The following CACNA1C variants were observed in gnomAD, a reference collection of about 807,000 sequenced individuals.
The protein encoded by CACNA1C is calcium voltage-gated channel subunit alpha1 C, also known as voltage-dependent L-type calcium channel subunit alpha-1C.
Under a neutral mutation model 229.0 loss-of-function variants are expected in CACNA1C, and 30 were observed. That is an observed-to-expected ratio of 0.13 (90% CI 0.10 to 0.18). The LOEUF (loss-of-function observed/expected upper bound fraction) is 0.18. Ranked by LOEUF, CACNA1C falls within the 10% of genes least tolerant of loss-of-function variation. The pLI, the probability that CACNA1C is intolerant of heterozygous loss-of-function variation, is 1.00. For missense variants in CACNA1C, 1,658 were observed against 2,845.0 expected, an observed-to-expected ratio of 0.58 and a Z score of 9.49; for synonymous variants, 1,114 against 1,132.5, an observed-to-expected ratio of 0.98 and a Z score of 0.33.
intron 18 of CACNA1C, among the ~76,000 whole-genome samples, chr12:2,592,613 C>G (rs759008857): frequency 6.6e-6 from 1 of 152,124 alleles, no homozygotes; most frequent in South Asian, 2.1e-4. Flanking sequence ...AGAACGAAGG[C>G]GCTTCTTTAA....
At chr12:2,487,975 T>C (rs1391274944) in intron 6 of CACNA1C, among the ~76,000 whole-genome samples, 1 of 152,186 alleles carries the variant, frequency 6.6e-6, no homozygotes, top group Non-Finnish European at 1.5e-5. Context: ...AATGACCCAT[T>C]TGACCCAAAC....
At chr12:2,105,017 C>G (rs983979754) in intron 1 of CACNA1C, among the ~76,000 whole-genome samples, 1 of 152,202 alleles carries the variant, frequency 6.6e-6, no homozygotes, top group Admixed American at 6.5e-5. Flanking sequence ...TATCAGGGTC[C>G]TCTCACCGAA....
rs558228611 is a variant in CACNA1C at position 2,512,609 on chromosome 12, C to T, written c.1218-203C>T. 6.6e-6 allele frequency among the ~76,000 whole-genome samples: 1 copy of T among 152,276 alleles called. No individual in the cohort carries two copies. Among genetic ancestry groups the T allele is most frequent in the East Asian group, 1.9e-4 (1 of 5,180 alleles). ...GGAATGTCCCCTTACTGACGCTTCC[C>T]ATCGAGGTGATAGTAGACCTAACCT... On this transcript the variant is annotated intron_variant, in intron 8 of 46. Transcript: ENST00000399655. The surrounding 1 kb of genome is among the most constrained non-coding windows in gnomAD (Gnocchi z 4.3).
intron 3 of CACNA1C, among the ~76,000 whole-genome samples, chr12:2,184,099 G>A (rs1416653136): frequency 6.6e-6 from 1 of 152,168 alleles, no homozygotes; most frequent in East Asian, 1.9e-4. Flanking sequence ...ACTGCCTGCA[G>A]CTTCTGATTT....
chr12:2,487,839 G>A (rs1231020083), intron 6 of CACNA1C, among the ~76,000 whole-genome samples: 1 of 152,136 alleles, frequency 6.6e-6, no homozygotes. Flanking sequence ...TATTCAGGTT[G>A]ATTTATAGCT....
intron 38 of CACNA1C, among the ~76,000 whole-genome samples, chr12:2,669,779 T>C (rs1235966337): frequency 1.3e-5 from 2 of 152,152 alleles, no homozygotes; most frequent in Non-Finnish European, 2.9e-5. Flanking sequence ...AGGTGAGGAT[T>C]CAGACCTCAC....
At chr12:2,329,476 T>C (rs1162530336) in intron 3 of CACNA1C, among the ~76,000 whole-genome samples, 1 of 152,164 alleles carries the variant, frequency 6.6e-6, no homozygotes, top group African/African-American at 2.4e-5. Context: ...TGAGGGCCGA[T>C]GCCTGTCCCC....
At chr12:2,674,880 G>T (rs1429320411) in intron 39 of CACNA1C, among the ~76,000 whole-genome samples, 6 of 152,224 alleles carry the variant, frequency 3.9e-5, no homozygotes, top group Non-Finnish European at 8.8e-5. Context: ...CAGAAAGTCA[G>T]GTTGGAAATC....
At chr12:2,622,932 T>C (rs1412779952) in intron 29 of CACNA1C, among the ~76,000 whole-genome samples, 1 of 152,218 alleles carries the variant, frequency 6.6e-6, no homozygotes, top group East Asian at 1.9e-4. Context: ...GTTCTCAGCC[T>C]CGTGGGGATA....
At chr12:2,526,402 G>C (rs2154580993) in intron 9 of CACNA1C, among the ~76,000 whole-genome samples, 1 of 152,376 alleles carries the variant, frequency 6.6e-6, no homozygotes, top group East Asian at 1.9e-4. Flanking sequence ...TTCTTTTAGA[G>C]ATATGAGCAG....
At position 2,595,316 on chromosome 12, in the gene CACNA1C, G is replaced by T. The variant is rs902877485; in HGVS notation, c.2664-558G>T. Among the ~76,000 whole-genome samples the T allele has an allele frequency of 2.0e-5, 3 of 152,184 alleles. No homozygotes were observed. Among genetic ancestry groups the T allele is most frequent in the Non-Finnish European group, 4.4e-5 (3 of 68,024 alleles). On this transcript the variant is annotated intron_variant, in intron 19 of 46. Coordinates refer to ENST00000399655, the MANE Select transcript of CACNA1C (RefSeq NM_000719.7). This position sits in a 1 kb window ranked among gnomAD's most constrained non-coding sequence, Gnocchi z 4.1. Reference sequence around the variant, plus strand: ...CCTTCCTACATTGCTGTCAAGATGAGATGGTGTACAAGACACTTTGGCATT... The same window carrying T: ...CCTTCCTACATTGCTGTCAAGATGATATGGTGTACAAGACACTTTGGCATT...
chr12:2,278,637 A>G (rs1454881122), intron 3 of CACNA1C, among the ~76,000 whole-genome samples: 1 of 152,212 alleles, frequency 6.6e-6, no homozygotes, highest in Non-Finnish European at 1.5e-5. Flanking sequence ...CAGTTTATCC[A>G]TCCATGTTGA....
intron 1 of CACNA1C, among the ~76,000 whole-genome samples, chr12:2,022,514 G>A (rs973151591): frequency 2.7e-5 from 4 of 150,614 alleles, no homozygotes; most frequent in African/African-American, 9.8e-5. Flanking sequence ...GAGTGCAGTG[G>A]CACAGTCATA....
intron 1 of CACNA1C, among the ~76,000 whole-genome samples, chr12:2,040,012 G>A (rs2049809232): frequency 6.6e-6 from 1 of 152,038 alleles, no homozygotes; most frequent in African/African-American, 2.4e-5. Flanking sequence ...AAGCCTGACG[G>A]CACTAGATTT....
chr12:2,624,699 C>T (rs1410542134), intron 29 of CACNA1C, among the ~76,000 whole-genome samples: 1 of 152,344 alleles, frequency 6.6e-6, no homozygotes, highest in South Asian at 2.1e-4. Context: ...CACAGCGCCC[C>T]GTGGTGGCCA....
intron 3 of CACNA1C, among the ~76,000 whole-genome samples, chr12:2,253,149 A>C (rs1466594089): frequency 6.6e-6 from 1 of 152,220 alleles, no homozygotes; most frequent in Non-Finnish European, 1.5e-5. Context: ...ACTTATCCCC[A>C]AAGAAGGGTT....
At chr12:2,594,945 C>G (rs2067378973) in intron 19 of CACNA1C, among the ~76,000 whole-genome samples, 1 of 152,234 alleles carries the variant, frequency 6.6e-6, no homozygotes, top group Non-Finnish European at 1.5e-5. Context: ...CTTCCATCTT[C>G]AAGCAATTCT....
In CACNA1C at chr12:2,679,526, A is replaced by C. The variant is rs1440200184; in HGVS notation, c.5174A>C (p.Gln1725Pro). The change falls in exon 42 of 47, where the codon CAG becomes CCG. Residue 1725 changes from glutamine (Q) to proline (P), a missense_variant. Physicochemically the swap from Gln to Pro is moderately conservative, Grantham distance 76. This residue lies in a region of CACNA1C where 590 missense variants were observed against 700.8 expected (regional missense o/e 0.84). Coordinates refer to ENST00000399655, the MANE Select transcript of CACNA1C (RefSeq NM_000719.7). This position sits in a 1 kb window ranked among gnomAD's most constrained non-coding sequence, Gnocchi z 5.5. Reference sequence around the variant, plus strand: ...GCCTTCCCCCAGACCTTCACCACTCAGCGCCCGCTGCACATCAACAAGGCG... The same window carrying C: ...GCCTTCCCCCAGACCTTCACCACTCCGCGCCCGCTGCACATCAACAAGGCG... The part of the protein sequence containing the change: ...RSAFPQTFTT[Q>P]RPLHINKAGS... The C allele has an allele frequency of 1.2e-6, 2 of 1,612,654 alleles. No individual in the cohort carries two copies. Among genetic ancestry groups the C allele is most frequent in the Non-Finnish European group, 1.7e-6 (2 of 1,179,292 alleles).
At chr12:2,040,154 A>ATTTT (rs35226766) in intron 1 of CACNA1C, among the ~76,000 whole-genome samples, 1 of 148,546 alleles carries the variant, frequency 6.7e-6, no homozygotes, top group African/African-American at 2.5e-5. Context: ...AACTCCATCT[A>ATTTT]TTTTTTTTTT....
Sources: allele counts gnomAD v4.1 joint callset (sites outside exome capture counted in the v4.1 genomes callset), GRCh38; gene constraint gnomAD v4.1.1; regional missense constraint gnomAD v4.1.1; non-coding constraint Gnocchi (gnomAD v3.1); transcripts MANE v1.5; gene names NCBI Gene and HGNC (gene_info 2026-07-23, HGNC 2026-07-21).